Variants in NALCN observed in about 807,000 individuals in gnomAD.
NALCN encodes the protein sodium leak channel NALCN.
In NALCN, 111 loss-of-function variants were observed where a neutral mutation model predicts 225.3. The observed-to-expected ratio is 0.49, with a 90% CI of 0.42 to 0.58. The LOEUF (loss-of-function observed/expected upper bound fraction) is 0.58, where lower values mean the gene tolerates loss of function less well. Ranked by LOEUF, NALCN falls within the 20% of genes least tolerant of loss-of-function variation. The probability of loss-of-function intolerance (pLI) is 0.00; values close to 1 mark genes in which losing one functional copy is unlikely to be tolerated. For synonymous variants in NALCN, 764 were observed against 769.0 expected (o/e 0.99, Z 0.11); for missense variants, 1,378 against 2,202.4 (o/e 0.63, Z 7.49).
chr13:101,273,903 A>G lies in NALCN; in HGVS notation c.1134+10030T>C, dbSNP rs941849741. On this transcript the variant is annotated intron_variant, in intron 10 of 43. Transcript: ENST00000251127. ...CCATCTCAAAAAAAAAAAAAAAAAAAAAAAGAAAATGTGTGGCCCTTGAAC... is the reference window on the plus strand; with the variant it reads ...CCATCTCAAAAAAAAAAAAAAAAAAGAAAAGAAAATGTGTGGCCCTTGAAC... 3.8e-3 allele frequency among the ~76,000 whole-genome samples: 567 copies of G among 149,100 alleles called. 4 individuals are homozygous for G. Among genetic ancestry groups the G allele is most frequent in the African/African-American group, 0.013 (533 of 40,610 alleles).
chr13:101,353,752 C>G (rs1486048965), intron 6 of NALCN, among the ~76,000 whole-genome samples: 1 of 151,894 alleles, frequency 6.6e-6, no homozygotes, highest in Admixed American at 6.6e-5. Flanking sequence ...GGTTGGTAGG[C>G]AAAGTTGTAA....
At chr13:101,331,623 A>T (rs933631843) in intron 7 of NALCN, among the ~76,000 whole-genome samples, 4 of 152,078 alleles carry the variant, frequency 2.6e-5, no homozygotes, top group Admixed American at 6.5e-5. Context: ...TTGCACCTTG[A>T]GTTTCCGTTG....
chr13:101,326,977 G>A (rs1022961364), intron 7 of NALCN, among the ~76,000 whole-genome samples: 2 of 152,168 alleles, frequency 1.3e-5, no homozygotes, highest in African/African-American at 2.4e-5. Context: ...AGAGAGAGCC[G>A]CAGGGCCTCG....
At chr13:101,169,611 C>T (rs1022792743) in intron 15 of NALCN, among the ~76,000 whole-genome samples, 1 of 152,176 alleles carries the variant, frequency 6.6e-6, no homozygotes, top group African/African-American at 2.4e-5. Context: ...GCATCTCATC[C>T]AATCCACACC....
intron 40 of NALCN, among the ~76,000 whole-genome samples, chr13:101,064,297 A>G (rs2032190965): frequency 1.3e-5 from 2 of 151,988 alleles, no homozygotes; most frequent in African/African-American, 4.8e-5. Flanking sequence ...TAAAGATGTA[A>G]TTGTTTCCCC....
At chr13:101,176,489 T>C in intron 14 of NALCN, 115 bp from the exon 15 acceptor site, 1 of 602,134 alleles carries the variant, frequency 1.7e-6, no homozygotes. Flanking sequence ...AAATGCAAAA[T>C]AAACATGCAG....
chr13:101,075,341 G>A (rs999470412), intron 35 of NALCN, among the ~76,000 whole-genome samples: 2 of 151,330 alleles, frequency 1.3e-5, no homozygotes, highest in African/African-American at 4.9e-5. Context: ...TGTAATCTCA[G>A]CTACTCGGGA....
At chr13:101,329,265 T>C (rs766056546) in intron 7 of NALCN, among the ~76,000 whole-genome samples, 167 of 152,342 alleles carry the variant, frequency 1.1e-3, no homozygotes, top group Non-Finnish European at 1.6e-3. Context: ...ATTTAGGTAA[T>C]TCTGAATTAG....
intron 14 of NALCN, chr13:101,181,267 G>C (rs759320070): frequency 3.9e-6 from 2 of 518,964 alleles, no homozygotes; most frequent in Non-Finnish European, 7.7e-6. Flanking sequence ...CAGAGGGTTT[G>C]GAGGCTGGAG....
intron 37 of NALCN, among the ~76,000 whole-genome samples, chr13:101,073,361 T>C (rs921073355): frequency 2.6e-4 from 39 of 152,198 alleles, no homozygotes; most frequent in African/African-American, 8.7e-4. Context: ...TGCATATTTG[T>C]TGAATGGAAC....
At chr13:101,321,198 A>G (rs2044735676) in intron 7 of NALCN, among the ~76,000 whole-genome samples, 1 of 152,010 alleles carries the variant, frequency 6.6e-6, no homozygotes, top group South Asian at 2.1e-4. Context: ...CTAAAATCCT[A>G]TAACCTTAAA....
In NALCN at chr13:101,081,520, T is replaced by A; in HGVS notation, c.3885+7A>T. 6.2e-7 allele frequency: 1 copy of A among 1,613,998 alleles called. No individual in the cohort carries two copies. Among genetic ancestry groups the A allele is most frequent in the Non-Finnish European group, 8.5e-7 (1 of 1,179,968 alleles). On this transcript the variant is annotated splice_region_variant and intron_variant, in intron 34 of 43. Transcript: ENST00000251127. ...TCAGCTGAAATCAACTTGACTTCTA[T>A]GCTTACCAGGAGGGCAAAGTGAAGC... is the stretch of plus-strand genomic sequence containing the variant.
chr13:101,276,062 C>CAAAAAA (rs59471123), intron 10 of NALCN, among the ~76,000 whole-genome samples: 17 of 84,310 alleles, frequency 2.0e-4, no homozygotes, highest in African/African-American at 5.8e-4. Context: ...GACTCCTTCT[C>CAAAAAA]AAAAAAAAAA....
chr13:101,407,694 A>T (rs2047663095), intron 1 of NALCN, among the ~76,000 whole-genome samples: 1 of 152,224 alleles, frequency 6.6e-6, no homozygotes, highest in African/African-American at 2.4e-5. Flanking sequence ...ATGAATTGGA[A>T]GCAAGTTTAG....
intron 12 of NALCN, among the ~76,000 whole-genome samples, chr13:101,233,046 G>A (rs762547900): frequency 6.6e-6 from 1 of 152,056 alleles, no homozygotes; most frequent in Non-Finnish European, 1.5e-5. Flanking sequence ...TCCTAGAAAG[G>A]AAAAATCCCT....
At chr13:101,343,785 T>C (rs930349121) in intron 7 of NALCN, among the ~76,000 whole-genome samples, 1 of 152,218 alleles carries the variant, frequency 6.6e-6, no homozygotes, top group Non-Finnish European at 1.5e-5. Flanking sequence ...CTACCCTATA[T>C]TAAGCAAAGC....
rs2035407778 is a variant in NALCN at position 101,111,108 on chromosome 13, T to C, written c.2294+17A>G. The C allele has an allele frequency of 2.5e-6, 4 of 1,595,462 alleles. No homozygotes were observed. Among genetic ancestry groups the C allele is most frequent in the African/African-American group, 2.7e-5 (2 of 74,620 alleles). ...CTTTTTTAGAGTCTCTGAAGCCCTG[T>C]CTTCCCAAGTATTTACCTGCGCTCT... On this transcript the variant is annotated intron_variant, in intron 19 of 43. Transcript: ENST00000251127.
At chr13:101,207,366 T>C (rs1031313099) in intron 13 of NALCN, among the ~76,000 whole-genome samples, 3 of 152,198 alleles carry the variant, frequency 2.0e-5, no homozygotes, top group Non-Finnish European at 4.4e-5. Flanking sequence ...GTTTAGAAAA[T>C]ATTTTTGGTG....
At chr13:101,265,709 C>T (rs897248694) in intron 10 of NALCN, among the ~76,000 whole-genome samples, 3 of 152,164 alleles carry the variant, frequency 2.0e-5, no homozygotes, top group South Asian at 4.1e-4. Flanking sequence ...ACTTTTGCAT[C>T]CCCTTTTACA....
Sources: allele counts gnomAD v4.1 joint callset (sites outside exome capture counted in the v4.1 genomes callset), GRCh38; gene constraint gnomAD v4.1.1; transcripts MANE v1.5; gene names NCBI Gene and HGNC (gene_info 2026-07-23, HGNC 2026-07-21).